Variants in ANO10 observed in about 807,000 individuals in gnomAD.
ANO10 encodes the protein anoctamin 10, also known as anoctamin-10.
Under a neutral mutation model 74.7 loss-of-function variants are expected in ANO10, and 77 were observed. That is an observed-to-expected ratio of 1.03 (90% CI 0.86 to 1.25). The LOEUF is 1.25. Among genes scored for constraint, ANO10 ranks in the 50% most tolerant of loss-of-function variants. The pLI is 0.00. For synonymous variants in ANO10, 279 were observed against 284.9 expected (o/e 0.98, Z 0.21); for missense variants, 721 against 778.1 (o/e 0.93, Z 0.87).
chr3:43,616,856 A>G (rs1164212963), intron 1 of ANO10, among the ~76,000 whole-genome samples: 1 of 151,066 alleles, frequency 6.6e-6, no homozygotes, highest in Non-Finnish European at 1.5e-5. Flanking sequence ...GGGTAGGTCC[A>G]CTCCTCAGGG....
intron 1 of ANO10, among the ~76,000 whole-genome samples, chr3:43,678,253 G>GT (rs761415211): frequency 5.3e-5 from 8 of 152,184 alleles, no homozygotes; most frequent in Non-Finnish European, 1.2e-4. Context: ...CAGAATGGCT[G>GT]TATGGGCATT....
At chr3:43,590,210 C>A (rs184723441) in intron 4 of ANO10, among the ~76,000 whole-genome samples, 2 of 152,226 alleles carry the variant, frequency 1.3e-5, no homozygotes, top group East Asian at 1.9e-4. Flanking sequence ...AGATGATAAA[C>A]CCTGTTTTCA....
chr3:43,681,650 C>T (rs2084202898), intron 1 of ANO10, among the ~76,000 whole-genome samples: 1 of 152,154 alleles, frequency 6.6e-6, no homozygotes, highest in South Asian at 2.1e-4. Context: ...CATACCACAC[C>T]TATTCCAAAA....
chr3:43,641,203 A>C (rs1012649857), intron 1 of ANO10, among the ~76,000 whole-genome samples: 1 of 152,230 alleles, frequency 6.6e-6, no homozygotes, highest in East Asian at 1.9e-4. Flanking sequence ...CACAAGATTG[A>C]TATCAAAAAA....
At chr3:43,367,698 T>C (rs1042368275) in intron 12 of ANO10, among the ~76,000 whole-genome samples, 3 of 152,134 alleles carry the variant, frequency 2.0e-5, no homozygotes, top group Admixed American at 6.6e-5. Flanking sequence ...GTTCTGCTGC[T>C]CCTACCTTCC....
chr3:43,565,133 G>A (rs1367063335), intron 8 of ANO10, among the ~76,000 whole-genome samples: 3 of 152,158 alleles, frequency 2.0e-5, no homozygotes, highest in Non-Finnish European at 4.4e-5. Context: ...ATAAAAAGGA[G>A]AATTTAGAAA....
chr3:43,673,512 T>C (rs1282813972), intron 1 of ANO10, among the ~76,000 whole-genome samples: 2 of 152,186 alleles, frequency 1.3e-5, no homozygotes, highest in East Asian at 3.8e-4. Flanking sequence ...GAAACTCTAA[T>C]ACAGAAAGGC....
At chr3:43,482,361 C>A (rs903313459) in intron 11 of ANO10, among the ~76,000 whole-genome samples, 1 of 152,154 alleles carries the variant, frequency 6.6e-6, no homozygotes, top group Non-Finnish European at 1.5e-5. Flanking sequence ...GAATAAGTCT[C>A]TTCAAATACT....
intron 4 of ANO10, among the ~76,000 whole-genome samples, chr3:43,580,824 AAAAT>A (rs1465668098): frequency 6.6e-6 from 1 of 152,176 alleles, no homozygotes; most frequent in Non-Finnish European, 1.5e-5. Flanking sequence ...TTTAAGAACA[AAAAT>A]AAAATCATTT....
At chr3:43,435,039 GA>G (rs1158799755) in intron 11 of ANO10, among the ~76,000 whole-genome samples, 3 of 152,072 alleles carry the variant, frequency 2.0e-5, no homozygotes, top group Non-Finnish European at 2.9e-5. Flanking sequence ...TTATATGGGG[GA>G]AAAACTTATA....
At chr3:43,495,867 C>CT (rs1371692890) in intron 11 of ANO10, among the ~76,000 whole-genome samples, 2 of 151,860 alleles carry the variant, frequency 1.3e-5, no homozygotes, top group Admixed American at 1.3e-4. Context: ...ACCTAGCTAA[C>CT]TTTTTTTGTA....
At chr3:43,657,317 T>G (rs1348358578) in intron 1 of ANO10, among the ~76,000 whole-genome samples, 1 of 152,166 alleles carries the variant, frequency 6.6e-6, no homozygotes, top group Non-Finnish European at 1.5e-5. Context: ...TTCCCCAAAT[T>G]CTATGTATAA....
chr3:43,466,002 G>A lies in ANO10; in HGVS notation c.1798-33275C>T, dbSNP rs1163788027. Reference sequence around the variant, plus strand: ...TTTAAAATTCCTCTGGGAATGCAGAGAATCCAGAACGGCAAAACAACTTGA... The same window carrying A: ...TTTAAAATTCCTCTGGGAATGCAGAAAATCCAGAACGGCAAAACAACTTGA... On this transcript the variant is annotated intron_variant, in intron 11 of 12. Coordinates refer to ENST00000292246, the MANE Select transcript of ANO10 (RefSeq NM_018075.5). Among the ~76,000 whole-genome samples, 3 of 152,084 alleles carry A rather than the reference G, an allele frequency of 2.0e-5. No homozygotes were observed. The East Asian group carries it at 5.8e-4, about 29-fold the overall frequency.
At chr3:43,504,300 G>GTAGATAGATAGATAGA (rs550211978) in intron 11 of ANO10, among the ~76,000 whole-genome samples, 132 of 139,822 alleles carry the variant, frequency 9.4e-4, no homozygotes, top group Admixed American at 2.6e-3. Context: ...AGGTAGGTAG[G>GTAGATAGATAGATAGA]TAGATAGATA....
At chr3:43,510,709 T>C (rs573758361) in intron 11 of ANO10, among the ~76,000 whole-genome samples, 1 of 152,114 alleles carries the variant, frequency 6.6e-6, no homozygotes, top group African/African-American at 2.4e-5. Flanking sequence ...TTCTCCCACA[T>C]CCCTGAGACC....
At chr3:43,565,986 TG>T (rs2080308620) in intron 7 of ANO10, among the ~76,000 whole-genome samples, 1 of 152,008 alleles carries the variant, frequency 6.6e-6, no homozygotes, top group African/African-American at 2.4e-5. Flanking sequence ...GCGCACCGTG[TG>T]CGAGCCGAAG....
intron 11 of ANO10, chr3:43,484,850 G>C: frequency 1.8e-6 from 1 of 550,220 alleles, no homozygotes; most frequent in Non-Finnish European, 3.2e-6. Context: ...TCATGGAGGC[G>C]GGGCTGTGTT....
chr3:43,639,260 G>C (rs556827508), intron 1 of ANO10, among the ~76,000 whole-genome samples: 1 of 152,308 alleles, frequency 6.6e-6, no homozygotes, highest in African/African-American at 2.4e-5. Flanking sequence ...TCTTTTGAAA[G>C]GGGCGTCAAA....
chr3:43,572,995 CTTTT>C (rs553687865), intron 7 of ANO10, among the ~76,000 whole-genome samples: 3 of 141,682 alleles, frequency 2.1e-5, no homozygotes, highest in African/African-American at 5.2e-5. Context: ...TAACCAACGG[CTTTT>C]TTTTTTTTTT....
Sources: allele counts gnomAD v4.1 joint callset (sites outside exome capture counted in the v4.1 genomes callset), GRCh38; gene constraint gnomAD v4.1.1; transcripts MANE v1.5; gene names NCBI Gene and HGNC (gene_info 2026-07-23, HGNC 2026-07-21).